Variants in CADPS observed in about 807,000 individuals in gnomAD.
The protein encoded by CADPS is calcium dependent secretion activator, also known as calcium-dependent secretion activator 1.
CADPS carries 57 observed loss-of-function variants against 167.3 expected under a neutral mutation model. The observed-to-expected ratio is 0.34, with a 90% CI of 0.28 to 0.42. The LOEUF is 0.42. Among genes scored for constraint, CADPS ranks in the 20% least tolerant of loss-of-function variants. The probability of loss-of-function intolerance (pLI) is 1.00; values close to 1 mark genes in which losing one functional copy is unlikely to be tolerated. For synonymous variants in CADPS, 676 were observed against 635.3 expected (o/e 1.06, Z -0.96); for missense variants, 1,414 against 1,738.1 (o/e 0.81, Z 3.32).
At chr3:62,796,758 T>C (rs1281689843) in intron 1 of CADPS, among the ~76,000 whole-genome samples, 1 of 152,156 alleles carries the variant, frequency 6.6e-6, no homozygotes, top group African/African-American at 2.4e-5. Flanking sequence ...TATTTGCAGA[T>C]AAGCCAGACT....
intron 6 of CADPS, among the ~76,000 whole-genome samples, chr3:62,616,016 CTA>C (rs1297058768): frequency 6.6e-6 from 1 of 152,070 alleles, no homozygotes; most frequent in African/African-American, 2.4e-5. Flanking sequence ...CTAAAGATGT[CTA>C]TGTGTTTTTT....
Position 62,530,895 on chromosome 3 carries a change from A to G in CADPS, c.2291+1976T>C, listed in dbSNP as rs1024865680. 9.1e-6 allele frequency: 6 copies of G among 660,022 alleles called. No individual in the cohort carries two copies. The African/African-American group carries it at 1.2e-4, about 13-fold the overall frequency. 40.9% of individuals were successfully genotyped at this position (660,022 alleles called of 1,614,324 possible). On this transcript the variant is annotated intron_variant, in intron 13 of 29. Coordinates refer to ENST00000383710, the MANE Select transcript of CADPS (RefSeq NM_003716.4). ...ATCAAGAGCACACGCACATGCACAA[A>G]CAAAAGAAAGAAAAAGAAGGGTGCA...
chr3:62,845,044 T>C (rs2077190339), intron 1 of CADPS, among the ~76,000 whole-genome samples: 1 of 152,208 alleles, frequency 6.6e-6, no homozygotes, highest in Non-Finnish European at 1.5e-5. Flanking sequence ...AGGGTGGTAC[T>C]TTTAGCTCTA....
intron 1 of CADPS, among the ~76,000 whole-genome samples, chr3:62,841,463 C>A (rs11925788): frequency 0.2 from 30,015 of 152,052 alleles, 3,315 homozygotes; most frequent in Middle Eastern, 0.35. Context: ...TGCCTGTAAT[C>A]CCAGCACTTT....
At chr3:62,735,597 C>T (rs997499393) in intron 3 of CADPS, among the ~76,000 whole-genome samples, 3 of 152,110 alleles carry the variant, frequency 2.0e-5, no homozygotes, top group African/African-American at 7.2e-5. Flanking sequence ...TCCCTCAACC[C>T]CTACAAGAGT....
intron 22 of CADPS, among the ~76,000 whole-genome samples, chr3:62,480,749 C>T (rs899266043): frequency 2.6e-5 from 4 of 152,160 alleles, no homozygotes; most frequent in African/African-American, 7.2e-5. Flanking sequence ...TTATCTGGTC[C>T]GTAATTAGCT....
intron 3 of CADPS, among the ~76,000 whole-genome samples, chr3:62,686,212 A>T (rs2151154353): frequency 6.6e-6 from 1 of 152,078 alleles, no homozygotes; most frequent in Admixed American, 6.5e-5. Flanking sequence ...CAAACAAAAA[A>T]CCCTGCATGT....
chr3:62,629,661 G>A (rs879561671), intron 6 of CADPS, among the ~76,000 whole-genome samples: 4 of 152,156 alleles, frequency 2.6e-5, no homozygotes, highest in Non-Finnish European at 5.9e-5. Flanking sequence ...AGTTAAAACG[G>A]AAATCAAAGA....
At chr3:62,752,076 T>TA (rs2082832202) in intron 3 of CADPS, among the ~76,000 whole-genome samples, 1 of 152,206 alleles carries the variant, frequency 6.6e-6, no homozygotes, top group Non-Finnish European at 1.5e-5. Flanking sequence ...TCTGTAATTC[T>TA]GAATCTTGCT....
chr3:62,488,705 G>T (rs1314205809), intron 21 of CADPS, among the ~76,000 whole-genome samples: 2 of 151,916 alleles, frequency 1.3e-5, no homozygotes. Flanking sequence ...GCCCAGACTG[G>T]TCTTGAACTC....
rs2051407302 is a variant in CADPS, at chr3:62,421,625, T to A, written c.3777+16479A>T. Among the ~76,000 whole-genome samples the A allele has an allele frequency of 6.6e-6, 1 of 152,210 alleles. No homozygotes were observed. Among genetic ancestry groups the A allele is most frequent in the South Asian group, 2.1e-4 (1 of 4,830 alleles). On this transcript the variant is annotated intron_variant, in intron 28 of 29. Transcript: ENST00000383710. This position sits in a 1 kb window ranked among gnomAD's most constrained non-coding sequence, Gnocchi z 4.7. ...TTTATTTTAACTTTGATTGGCTTCG[T>A]TCCCCCACCCCTCCTGACGCTTCCC... is the stretch of plus-strand genomic sequence containing the variant.
At chr3:62,732,635 T>C (rs2078147852) in intron 3 of CADPS, among the ~76,000 whole-genome samples, 2 of 152,346 alleles carry the variant, frequency 1.3e-5, no homozygotes, top group South Asian at 4.1e-4. Context: ...GATTCACTTA[T>C]TCAACAAACC....
chr3:62,468,585 C>T (rs1386840577), intron 24 of CADPS, among the ~76,000 whole-genome samples: 1 of 152,138 alleles, frequency 6.6e-6, no homozygotes, highest in African/African-American at 2.4e-5. Flanking sequence ...CAAACCCTTT[C>T]ATAAGGAGAC....
chr3:62,850,988 T>A (rs1227519556), intron 1 of CADPS, among the ~76,000 whole-genome samples: 1 of 147,822 alleles, frequency 6.8e-6, no homozygotes, highest in African/African-American at 2.5e-5. Flanking sequence ...TTTAGGATAG[T>A]TAGCTCCTCT....
intron 7 of CADPS, among the ~76,000 whole-genome samples, chr3:62,587,863 T>C (rs1035647902): frequency 1.3e-5 from 2 of 152,216 alleles, no homozygotes; most frequent in South Asian, 2.1e-4. Flanking sequence ...CACCCTGCCA[T>C]GCCTCTGACA....
At chr3:62,668,751 C>T (rs139352880) in intron 3 of CADPS, among the ~76,000 whole-genome samples, 5 of 152,212 alleles carry the variant, frequency 3.3e-5, no homozygotes, top group African/African-American at 1.2e-4. Context: ...CACCTACTTA[C>T]GTAGGTGCTA....
intron 3 of CADPS, among the ~76,000 whole-genome samples, chr3:62,693,171 G>A (rs373253042): frequency 2.6e-5 from 4 of 152,076 alleles, no homozygotes; most frequent in African/African-American, 9.6e-5. Context: ...CACTTTCTTA[G>A]AGGGGTCCTC....
At chr3:62,838,884 G>T (rs890905842) in intron 1 of CADPS, among the ~76,000 whole-genome samples, 2 of 152,152 alleles carry the variant, frequency 1.3e-5, no homozygotes, top group African/African-American at 4.8e-5. Flanking sequence ...TATATAAAAT[G>T]AAATGCCTCC....
chr3:62,417,303 T>TTTTTTTTTTTTTTTTTTTTTTTTTTTTG (rs2050303415), intron 28 of CADPS, among the ~76,000 whole-genome samples: 1 of 111,528 alleles, frequency 9.0e-6, no homozygotes, highest in African/African-American at 3.1e-5. Context: ...TTTTTTTTTT[T>TTTTTTTTTTTTTTTTTTTTTTTTTTTTG]TGAGACTGTC....
Sources: allele counts gnomAD v4.1 joint callset (sites outside exome capture counted in the v4.1 genomes callset), GRCh38; gene constraint gnomAD v4.1.1; non-coding constraint Gnocchi (gnomAD v3.1); transcripts MANE v1.5; gene names NCBI Gene and HGNC (gene_info 2026-07-23, HGNC 2026-07-21).